NAV2: variants seen among roughly 807,000 people sequenced by gnomAD.
The protein encoded by NAV2 is neuron navigator 2.
A neutral mutation model predicts 223.2 loss-of-function variants in NAV2; 54 were observed. The ratio of observed to expected loss-of-function variants is 0.24; its 90% CI spans 0.19 to 0.30. The LOEUF is 0.30. Among genes scored for constraint, NAV2 ranks in the 10% least tolerant of loss-of-function variants. The pLI is 1.00. For missense variants in NAV2, 2,806 were observed against 3,147.5 expected (o/e 0.89, Z 2.60); for synonymous variants, 1,279 against 1,239.3 (o/e 1.03, Z -0.67).
chr11:19,445,867 G>C (rs1251602108), intron 1 of NAV2, among the ~76,000 whole-genome samples: 1 of 151,304 alleles, frequency 6.6e-6, no homozygotes, highest in East Asian at 1.9e-4. Flanking sequence ...CTTTCCAATA[G>C]TTTACAAGGT....
chr11:19,865,199 T>C (rs2062019876), intron 3 of NAV2, among the ~76,000 whole-genome samples: 1 of 152,222 alleles, frequency 6.6e-6, no homozygotes, highest in Admixed American at 6.5e-5. Flanking sequence ...CCTCATCTCA[T>C]GCTGTGTGTC....
intron 1 of NAV2, among the ~76,000 whole-genome samples, chr11:19,580,014 T>C (rs2045670892): frequency 6.6e-6 from 1 of 152,244 alleles, no homozygotes. Flanking sequence ...TGGACAATTG[T>C]ATCTTTTGGC....
intron 1 of NAV2, among the ~76,000 whole-genome samples, chr11:19,551,897 T>TTCTCTCTCTC (rs59538869): frequency 1.7e-4 from 26 of 149,216 alleles, no homozygotes; most frequent in African/African-American, 6.2e-4. Context: ...TCCTCTCCTC[T>TTCTCTCTCTC]TCTCTCTCTC....
intron 1 of NAV2, among the ~76,000 whole-genome samples, chr11:19,802,061 A>G (rs2058301321): frequency 6.6e-6 from 1 of 152,170 alleles, no homozygotes; most frequent in Non-Finnish European, 1.5e-5. Flanking sequence ...AAACTCTTTT[A>G]TGATATTATG....
intron 1 of NAV2, among the ~76,000 whole-genome samples, chr11:19,832,218 C>A (rs1253937254): frequency 2.6e-5 from 4 of 152,316 alleles, no homozygotes; most frequent in Admixed American, 2.6e-4. Context: ...AGTTCTGTGT[C>A]CCCTGTCTCA....
chr11:19,547,789 A>G (rs923704049), intron 1 of NAV2, among the ~76,000 whole-genome samples: 6 of 152,174 alleles, frequency 3.9e-5, no homozygotes, highest in Admixed American at 3.9e-4. Context: ...TGGTAATAAT[A>G]ATAATAAAGG....
intron 26 of NAV2, among the ~76,000 whole-genome samples, chr11:20,086,142 A>T (rs1293814438): frequency 6.6e-6 from 1 of 152,256 alleles, no homozygotes; most frequent in African/African-American, 2.4e-5. Context: ...TTTGAAGTGA[A>T]TTCGCATCCA....
intron 1 of NAV2, among the ~76,000 whole-genome samples, chr11:19,692,689 GC>G (rs1257576788): frequency 6.6e-6 from 1 of 152,166 alleles, no homozygotes; most frequent in African/African-American, 2.4e-5. Flanking sequence ...GATCATACAG[GC>G]AATTATACTT....
chr11:19,448,745 T>G (rs1208764442), intron 1 of NAV2, among the ~76,000 whole-genome samples: 5 of 152,256 alleles, frequency 3.3e-5, no homozygotes, highest in African/African-American at 1.2e-4. Flanking sequence ...ATGTAGGGCA[T>G]GCTGGATATT....
chr11:19,547,124 G>A (rs1469128287), intron 1 of NAV2, among the ~76,000 whole-genome samples: 2 of 152,204 alleles, frequency 1.3e-5, no homozygotes, highest in Non-Finnish European at 2.9e-5. Context: ...CTCCTGCCCT[G>A]CACATGGCAA....
At chr11:19,552,311 C>T (rs958613576) in intron 1 of NAV2, among the ~76,000 whole-genome samples, 6 of 152,186 alleles carry the variant, frequency 3.9e-5, no homozygotes, top group Admixed American at 6.5e-5. Context: ...GCGTGTGAGG[C>T]GTCTGCAGGG....
chr11:20,051,299 C>G lies in NAV2; in HGVS notation c.4447C>G (p.Leu1483Val), dbSNP rs577352706. The G allele has an allele frequency of 1.1e-5, 17 of 1,614,096 alleles. No individual in the cohort carries two copies. In the South Asian group the frequency reaches 1.8e-4, roughly 17 times the overall value. Reference protein sequence around the residue: ...LPRKQDSDPHLDRNTLPKKGL... With the variant: ...LPRKQDSDPHVDRNTLPKKGL... ...TTAACTTTCCTACAGTGACCCGCAC[C>G]TTGATAGGAACACTTTGCCTAAGAA... Residue 1483 changes from leucine to valine, a missense_variant, in exon 17 of 38, where the codon CTT (leucine) becomes GTT (valine). Leu to Val is a conservative substitution (Grantham distance 32). Coordinates refer to ENST00000349880, the MANE Select transcript of NAV2 (RefSeq NM_145117.5).
intron 1 of NAV2, among the ~76,000 whole-genome samples, chr11:19,792,863 G>A (rs2057620703): frequency 6.6e-6 from 1 of 151,702 alleles, no homozygotes; most frequent in Non-Finnish European, 1.5e-5. Flanking sequence ...ATGGAGGGAA[G>A]GCAGTGGAAG....
chr11:19,798,235 C>G (rs996237231), intron 1 of NAV2, among the ~76,000 whole-genome samples: 9 of 152,162 alleles, frequency 5.9e-5, no homozygotes, highest in Admixed American at 3.9e-4. Context: ...CTCTTCTTTC[C>G]TGTAATAGAC....
At chr11:19,346,627 G>A (rs1401686857), upstream of NAV2, among the ~76,000 whole-genome samples, 1 of 152,212 alleles carries the variant, frequency 6.6e-6, no homozygotes, top group Non-Finnish European at 1.5e-5. Context: ...TTTCTTCAGG[G>A]AAGAGGCGGG....
At chr11:19,404,784 TCC>T (rs1849824925) in intron 1 of NAV2, among the ~76,000 whole-genome samples, 3 of 152,236 alleles carry the variant, frequency 2.0e-5, no homozygotes, top group Non-Finnish European at 2.9e-5. Context: ...CTGATTTATT[TCC>T]TTCCAATGAA....
Position 19,619,950 on chromosome 11 carries a change from A to G in NAV2, c.76-212534A>G, listed in dbSNP as rs2046933538. 2.6e-5 allele frequency among the ~76,000 whole-genome samples: 4 copies of G among 152,306 alleles called. No homozygotes were observed. The Middle Eastern group carries it at 0.014, about 518-fold the overall frequency. On this transcript the variant is annotated intron_variant, in intron 1 of 37. Coordinates refer to the NAV2 transcript ENST00000360655. ...ATTAATTTTTGTATAAGGTGTAAGG[A>G]AGGGATCCAGTTTCAGCTTTCTACA...
upstream of NAV2, among the ~76,000 whole-genome samples, chr11:19,709,175 C>T (rs2049775761): frequency 6.6e-6 from 1 of 151,072 alleles, no homozygotes; most frequent in African/African-American, 2.4e-5. Flanking sequence ...TTCCCCCCGC[C>T]CCACCCTTGT....
intron 11 of NAV2, among the ~76,000 whole-genome samples, chr11:19,986,551 C>T (rs1473034953): frequency 1.3e-5 from 2 of 152,132 alleles, no homozygotes; most frequent in Non-Finnish European, 2.9e-5. Context: ...ACCCGGGAGG[C>T]AGAGGTTGCA....
Sources: allele counts gnomAD v4.1 joint callset (sites outside exome capture counted in the v4.1 genomes callset), GRCh38; gene constraint gnomAD v4.1.1; transcripts MANE v1.5; gene names NCBI Gene and HGNC (gene_info 2026-07-23, HGNC 2026-07-21).